The following FCRL2 variants were observed in gnomAD, a reference collection of about 807,000 sequenced individuals.
FCRL2 encodes Fc receptor-like protein 2.
In FCRL2, 48 loss-of-function variants were observed where a neutral mutation model predicts 59.8. That is an observed-to-expected ratio of 0.80 (90% CI 0.64 to 1.02). FCRL2 has a LOEUF of 1.02. Among genes scored for constraint, FCRL2 ranks in the 50% least tolerant of loss-of-function variants. FCRL2 has a pLI of 0.00. For synonymous variants in FCRL2, 251 were observed against 229.5 expected (o/e 1.09, Z -0.85); for missense variants, 658 against 597.3 (o/e 1.10, Z -1.06).
Position 157,746,905 on chromosome 1 carries a change from A to G in FCRL2, c.1460-6T>C, listed in dbSNP as rs1647790522. On this transcript the variant is annotated splice_region_variant and splice_polypyrimidine_tract_variant and intron_variant, in intron 10 of 11. Transcript: ENST00000361516. ...CAGAAGTGTCCTGATGTTTGCTGTT[A>G]AGGAAAAAGTAATAGTTCTGAGCTC... 1.2e-6 allele frequency: 2 copies of G among 1,613,102 alleles called. No individual in the cohort carries two copies. Among genetic ancestry groups the G allele is most frequent in the African/African-American group, 2.7e-5 (2 of 75,062 alleles).
At chr1:157,764,554 G>A (rs2101724017) in intron 7 of FCRL2, among the ~76,000 whole-genome samples, 1 of 152,278 alleles carries the variant, frequency 6.6e-6, no homozygotes, top group African/African-American at 2.4e-5. Context: ...ACATTCTCCA[G>A]AATAGACCAC....
intron 7 of FCRL2, among the ~76,000 whole-genome samples, chr1:157,765,469 A>G (rs1453520282): frequency 6.6e-6 from 1 of 152,248 alleles, no homozygotes; most frequent in East Asian, 1.9e-4. Flanking sequence ...TGATACCAAA[A>G]TCAGACATGA....
chr1:157,774,512 T>C (rs895603124), intron 2 of FCRL2: 1 of 454,910 alleles, frequency 2.2e-6, no homozygotes, highest in Middle Eastern at 3.5e-4. Flanking sequence ...TCTGAGAAAC[T>C]CTTGCTAAAG....
At chr1:157,754,724 G>C (rs1321695410) in intron 7 of FCRL2, among the ~76,000 whole-genome samples, 1 of 152,090 alleles carries the variant, frequency 6.6e-6, no homozygotes, top group Non-Finnish European at 1.5e-5. Flanking sequence ...CCAGTACTTA[G>C]AGAGGCCAAG....
rs534337950 is a variant in FCRL2, at chr1:157,767,224, C to A, written c.1162+7G>T. The stretch of plus-strand genomic sequence containing the variant: ...TCAAACTCTGTATCCAGGTAACACC[C>A]ACCCACCTGAGATGGAGACTGGCAC... On this transcript the variant is annotated splice_region_variant and intron_variant, in intron 6 of 11. Transcript: ENST00000361516. 163 of 1,607,878 alleles carry A rather than the reference C, an allele frequency of 1.0e-4. 2 individuals are homozygous for A. In the South Asian group the frequency reaches 1.7e-3, roughly 17 times the overall value.
intron 2 of FCRL2, among the ~76,000 whole-genome samples, chr1:157,772,012 T>C (rs1394149013): frequency 6.7e-6 from 1 of 149,482 alleles, no homozygotes; most frequent in East Asian, 2.0e-4. Flanking sequence ...TTGTTAGACA[T>C]TGGGGAACAA....
intron 7 of FCRL2, among the ~76,000 whole-genome samples, chr1:157,759,299 T>C (rs1355870651): frequency 6.6e-6 from 1 of 152,202 alleles, no homozygotes; most frequent in Non-Finnish European, 1.5e-5. Context: ...TTACCCAGTC[T>C]TGAGTATTTC....
intron 4 of FCRL2, 45 bp downstream of exon 4, chr1:157,769,821 C>G (rs1347184152): frequency 6.3e-7 from 1 of 1,589,388 alleles, no homozygotes; most frequent in Non-Finnish European, 8.6e-7. Flanking sequence ...GAAGCTATAA[C>G]ACTCCTATCT....
At chr1:157,753,084 A>G (rs978858227) in intron 7 of FCRL2, among the ~76,000 whole-genome samples, 1 of 152,178 alleles carries the variant, frequency 6.6e-6, no homozygotes, top group Non-Finnish European at 1.5e-5. Context: ...TAGGGCATCA[A>G]AGTTAGATCT....
At chr1:157,761,623 CTT>C (rs144271197) in intron 7 of FCRL2, among the ~76,000 whole-genome samples, 2,697 of 152,146 alleles carry the variant, frequency 0.018, 70 homozygotes, top group African/African-American at 0.061. Context: ...AAAAGGCACA[CTT>C]TTAAAAATAA....
Position 157,760,678 on chromosome 1 carries a change from GGAAA to G in FCRL2, c.1279+6173_1279+6176del, listed in dbSNP as rs199830452. Among the ~76,000 whole-genome samples the G allele has an allele frequency of 8.9e-3, 626 of 70,518 alleles. 9 individuals carry two copies. Among genetic ancestry groups the G allele is most frequent in the African/African-American group, 0.037 (528 of 14,280 alleles). 46.3% of individuals were successfully genotyped at this position (70,518 alleles called of 152,430 possible). On this transcript the variant is annotated intron_variant, in intron 7 of 11. Coordinates refer to ENST00000361516, the MANE Select transcript of FCRL2 (RefSeq NM_030764.4). ...AAGAAGGAAGGAAGGAAGGAAGGAA[GGAAA>G]GAAAGAAAGAAAGAAGGAAAGAAAG... is the stretch of plus-strand genomic sequence containing the variant.
intron 7 of FCRL2, 141 bp downstream of exon 7, chr1:157,766,702 ATTGCACAGAGCC>A: frequency 7.9e-7 from 1 of 1,263,188 alleles, no homozygotes; most frequent in South Asian, 1.6e-5. Flanking sequence ...CACATTGAGC[ATTGCACAGAGCC>A]TTGCAGAATT....
At chr1:157,776,441 TG>T (rs1297706853) in intron 1 of FCRL2, among the ~76,000 whole-genome samples, 1 of 152,100 alleles carries the variant, frequency 6.6e-6, no homozygotes. Context: ...GGCTAATTTT[TG>T]TATTTTTAGT....
At chr1:157,766,807 GT>G in intron 7 of FCRL2, 47 bp downstream of exon 7, 1 of 1,611,766 alleles carries the variant, frequency 6.2e-7, no homozygotes, top group Non-Finnish European at 8.5e-7. Flanking sequence ...TATATCAGTA[GT>G]GGAAAGGTCA....
At chr1:157,748,640 T>C (rs2275232) in intron 9 of FCRL2, 22 bp from the exon 10 acceptor site, 2 of 1,609,278 alleles carry the variant, frequency 1.2e-6, no homozygotes, top group African/African-American at 2.7e-5. Context: ...AGACAAGAGT[T>C]CACAGATGTT....
At chr1:157,749,558 C>A in intron 8 of FCRL2, 92 bp downstream of exon 8, 1 of 842,076 alleles carries the variant, frequency 1.2e-6, no homozygotes, top group Non-Finnish European at 1.9e-6. Context: ...TACATAGCTT[C>A]AGTCTCAACG....
chr1:157,771,969 C>T (rs930450525), intron 2 of FCRL2, among the ~76,000 whole-genome samples: 3 of 151,582 alleles, frequency 2.0e-5, no homozygotes, highest in African/African-American at 4.9e-5. Context: ...ATGTATGGTT[C>T]GCTACTGGCT....
intron 7 of FCRL2, among the ~76,000 whole-genome samples, chr1:157,751,551 G>C (rs1258382038): frequency 6.6e-6 from 1 of 152,192 alleles, no homozygotes; most frequent in Non-Finnish European, 1.5e-5. Context: ...GGGGAGATAC[G>C]GTCATCTGCC....
rs1649738160 is a variant in FCRL2 at position 157,768,704 on chromosome 1, A to G, written c.596-3T>C. 2 of 1,603,894 alleles carry G rather than the reference A, an allele frequency of 1.2e-6. No homozygotes were observed. Among genetic ancestry groups the G allele is most frequent in the African/African-American group, 2.7e-5 (2 of 74,712 alleles). ...GCTTACATTAGAGATGGGGATTCCT[A>G]GATGGATATAAGACAACAGGTGAGA... On this transcript the variant is annotated splice_region_variant and splice_polypyrimidine_tract_variant and intron_variant, in intron 4 of 11. Coordinates refer to ENST00000361516, the MANE Select transcript of FCRL2 (RefSeq NM_030764.4).
Sources: allele counts gnomAD v4.1 joint callset (sites outside exome capture counted in the v4.1 genomes callset), GRCh38; gene constraint gnomAD v4.1.1; transcripts MANE v1.5; gene names NCBI Gene and HGNC (gene_info 2026-07-23, HGNC 2026-07-21).